The following MALRD1 variants were observed in gnomAD, a reference collection of about 807,000 sequenced individuals.
MALRD1 encodes the protein MAM and LDL-receptor class A domain-containing protein 1.
A neutral mutation model predicts 242.1 loss-of-function variants in MALRD1; 247 were observed. That is an observed-to-expected ratio of 1.02 (90% CI 0.92 to 1.13). The LOEUF is 1.13. Among genes scored for constraint, MALRD1 ranks in the 50% most tolerant of loss-of-function variants. The pLI is 0.00. For missense variants in MALRD1, 2,989 were observed against 2,533.1 expected (o/e 1.18, Z -3.86); for synonymous variants, 995 against 866.6 (o/e 1.15, Z -2.60).
At chr10:19,409,041 A>G (rs1014014923) in intron 28 of MALRD1, among the ~76,000 whole-genome samples, 4 of 152,236 alleles carry the variant, frequency 2.6e-5, no homozygotes, top group East Asian at 1.9e-4. Context: ...ATTATCTAGC[A>G]ACAACATTCT....
intron 36 of MALRD1, among the ~76,000 whole-genome samples, chr10:19,645,828 T>C (rs1345512579): frequency 6.6e-6 from 1 of 152,082 alleles, no homozygotes; most frequent in Non-Finnish European, 1.5e-5. Context: ...TATATACATA[T>C]GTAACAAACC....
chr10:19,574,002 G>A (rs530154465), intron 33 of MALRD1, among the ~76,000 whole-genome samples: 11 of 152,128 alleles, frequency 7.2e-5, no homozygotes, highest in Non-Finnish European at 1.6e-4. Context: ...TCATCATAGG[G>A]CATCCTTTTT....
chr10:19,518,026 A>G (rs1046905383), intron 31 of MALRD1, among the ~76,000 whole-genome samples: 4 of 152,234 alleles, frequency 2.6e-5, no homozygotes, highest in African/African-American at 7.2e-5. Flanking sequence ...GCAAGTTTTT[A>G]TGAGCCAAAC....
chr10:19,585,804 A>G (rs1837361660), intron 33 of MALRD1, among the ~76,000 whole-genome samples: 1 of 152,212 alleles, frequency 6.6e-6, no homozygotes, highest in South Asian at 2.1e-4. Context: ...TCTCCTGGAT[A>G]ATATCCTGCA....
chr10:19,419,656 C>T (rs953288918), intron 28 of MALRD1, among the ~76,000 whole-genome samples: 2 of 152,072 alleles, frequency 1.3e-5, no homozygotes, highest in African/African-American at 2.4e-5. Context: ...TCCTTTTACT[C>T]GTCAAATCCC....
chr10:19,546,319 G>A (rs772078090), intron 32 of MALRD1, among the ~76,000 whole-genome samples: 4 of 152,244 alleles, frequency 2.6e-5, no homozygotes, highest in South Asian at 2.1e-4. Context: ...GTGTGTTTAT[G>A]TTTACGATGT....
chr10:19,556,637 T>G (rs1835730641), intron 32 of MALRD1, among the ~76,000 whole-genome samples: 1 of 152,178 alleles, frequency 6.6e-6, no homozygotes, highest in African/African-American at 2.4e-5. Flanking sequence ...ACTATGGATG[T>G]GCCAGAGTTC....
rs1296092173 is a variant in MALRD1 at position 19,238,371 on chromosome 10, ATT to A, written c.2992-19312_2992-19311del. Among the ~76,000 whole-genome samples, 63 of 82,200 alleles carry A rather than the reference ATT, an allele frequency of 7.7e-4. 3 individuals are homozygous for A. The highest frequency in any genetic ancestry group is 1.2e-3 in the Non-Finnish European group (56 of 47,998). The allele number at this position is 82,200 out of a possible 152,430, so 53.9% of individuals were successfully genotyped here. On this transcript the variant is annotated intron_variant, in intron 18 of 39. Transcript: ENST00000454679. Reference sequence around the variant, plus strand: ...ACATAATATATAATACATAATATATATTATACATAATATATTATATATGTTAT... The same window carrying A: ...ACATAATATATAATACATAATATATAATACATAATATATTATATATGTTAT...
chr10:19,717,135 C>A (rs959552089), intron 38 of MALRD1, among the ~76,000 whole-genome samples: 1 of 152,060 alleles, frequency 6.6e-6, no homozygotes, highest in Admixed American at 6.6e-5. Flanking sequence ...GTGTAAAGAA[C>A]CATAGTTTTT....
At chr10:19,641,015 C>A (rs1340003089) in intron 36 of MALRD1, among the ~76,000 whole-genome samples, 2 of 152,102 alleles carry the variant, frequency 1.3e-5, no homozygotes, top group African/African-American at 4.8e-5. Flanking sequence ...CTTGGATATT[C>A]ACTTTTACTA....
intron 17 of MALRD1, 35 bp from the exon 18 acceptor site, chr10:19,209,233 A>T: frequency 6.8e-7 from 1 of 1,465,572 alleles, no homozygotes; most frequent in Non-Finnish European, 9.0e-7. Context: ...TTTTGTCCCT[A>T]ATTATCTTTT....
intron 10 of MALRD1, among the ~76,000 whole-genome samples, chr10:19,141,388 G>T (rs1833537656): frequency 6.6e-6 from 1 of 152,124 alleles, no homozygotes; most frequent in African/African-American, 2.4e-5. Flanking sequence ...GGGGAGGGGA[G>T]ATGGAAATTA....
At chr10:19,140,028 A>G (rs1301418265) in intron 10 of MALRD1, among the ~76,000 whole-genome samples, 1 of 152,220 alleles carries the variant, frequency 6.6e-6, no homozygotes, top group Non-Finnish European at 1.5e-5. Flanking sequence ...AGTCCTTAAG[A>G]GCATCAATAT....
chr10:19,302,737 G>A lies in MALRD1; in HGVS notation c.3419+19556G>A, dbSNP rs146931967. The stretch of plus-strand genomic sequence containing the variant: ...CTACGTTGTATACTTCAAAAATTAC[G>A]TGAAGTGTGAACTTTATGGTATGTG... On this transcript the variant is annotated intron_variant, in intron 21 of 39. Transcript: ENST00000454679. Among the ~76,000 whole-genome samples the A allele has an allele frequency of 2.6e-3, 391 of 151,774 alleles. 2 individuals are homozygous for A. The highest frequency in any genetic ancestry group is 3.4e-3 in the Non-Finnish European group (228 of 67,792).
At chr10:19,362,531 T>C (rs1844936527) in intron 26 of MALRD1, among the ~76,000 whole-genome samples, 1 of 151,890 alleles carries the variant, frequency 6.6e-6, no homozygotes, top group Non-Finnish European at 1.5e-5. Context: ...ATCCCACACA[T>C]AGGAAGCATC....
intron 14 of MALRD1, among the ~76,000 whole-genome samples, chr10:19,201,778 T>C (rs1208004680): frequency 6.6e-6 from 1 of 152,194 alleles, no homozygotes; most frequent in Non-Finnish European, 1.5e-5. Flanking sequence ...TTTTGAGCAG[T>C]ATATAATTTT....
intron 29 of MALRD1, among the ~76,000 whole-genome samples, chr10:19,464,788 A>T (rs1007879794): frequency 1.3e-5 from 2 of 152,098 alleles, no homozygotes; most frequent in East Asian, 1.9e-4. Context: ...GAATTTGTAG[A>T]TTGCTTTTGG....
In MALRD1 at chr10:19,104,120, T is replaced by G. The variant is rs1588549437; in HGVS notation, c.694+45T>G. The G allele has an allele frequency of 2.9e-6, 3 of 1,044,114 alleles. No individual in the cohort carries two copies. In the East Asian group the frequency reaches 9.8e-5, roughly 34 times the overall value. The allele number at this position is 1,044,114 out of a possible 1,614,324, so 64.7% of individuals were successfully genotyped here. ...TTTTGATCTTTACTGTGTTTAAAGA[T>G]TTCAGTGCAATTTAAACATTGTGAT... On this transcript the variant is annotated intron_variant, in intron 5 of 39. Transcript: ENST00000454679.
intron 38 of MALRD1, among the ~76,000 whole-genome samples, chr10:19,693,648 G>T (rs1441564700): frequency 1.3e-5 from 2 of 152,110 alleles, no homozygotes; most frequent in East Asian, 1.9e-4. Flanking sequence ...TGGCCATGCT[G>T]CCCAAGGTAA....
Sources: allele counts gnomAD v4.1 joint callset (sites outside exome capture counted in the v4.1 genomes callset), GRCh38; gene constraint gnomAD v4.1.1; transcripts MANE v1.5; gene names NCBI Gene and HGNC (gene_info 2026-07-23, HGNC 2026-07-21).